Variants in IGF2BP2 observed in about 807,000 individuals in gnomAD.
IGF2BP2 encodes the protein insulin-like growth factor 2 mRNA-binding protein 2.
IGF2BP2 carries 17 observed loss-of-function variants against 75.8 expected under a neutral mutation model. The observed-to-expected ratio is 0.22, with a 90% CI of 0.15 to 0.34. The LOEUF (loss-of-function observed/expected upper bound fraction) is 0.34. IGF2BP2 is among the 10% of genes least tolerant of loss of function. The pLI, the probability that IGF2BP2 is intolerant of heterozygous loss-of-function variation, is 1.00. For synonymous variants in IGF2BP2, 288 were observed against 295.6 expected (o/e 0.97, Z 0.26); for missense variants, 516 against 772.4 (o/e 0.67, Z 3.93).
At chr3:185,810,592 G>A (rs765804681) in intron 2 of IGF2BP2, among the ~76,000 whole-genome samples, 6 of 152,100 alleles carry the variant, frequency 3.9e-5, no homozygotes, top group Non-Finnish European at 7.3e-5. Flanking sequence ...TGGCCAACAT[G>A]GCGAAACCCC....
chr3:185,795,757 C>T (rs1737287071), intron 2 of IGF2BP2, among the ~76,000 whole-genome samples: 1 of 151,998 alleles, frequency 6.6e-6, no homozygotes, highest in African/African-American at 2.4e-5. Context: ...GGCGCAGTCC[C>T]AGCCTGTAGT....
At chr3:185,752,595 C>CT (rs980772046) in intron 2 of IGF2BP2, among the ~76,000 whole-genome samples, 78 of 147,082 alleles carry the variant, frequency 5.3e-4, no homozygotes, top group African/African-American at 7.4e-4. Context: ...TAATTTTAAA[C>CT]TTTTTTTTTT....
At position 185,746,892 on chromosome 3, in the gene IGF2BP2, A is replaced by G. The variant is rs546336406; in HGVS notation, c.240-48545T>C. Among the ~76,000 whole-genome samples the G allele has an allele frequency of 2.0e-5, 3 of 152,334 alleles. No homozygotes were observed. In the East Asian group the frequency reaches 5.8e-4, roughly 29 times the overall value. ...AGCAAAGTTGTAAAAGTAGGTCTGT[A>G]AAGATCTAGGTATGCAAATGTGACC... is the stretch of plus-strand genomic sequence containing the variant. On this transcript the variant is annotated intron_variant, in intron 2 of 15. Coordinates refer to ENST00000382199, the MANE Select transcript of IGF2BP2 (RefSeq NM_006548.6).
At chr3:185,734,572 AGT>A (rs1193074776) in intron 2 of IGF2BP2, among the ~76,000 whole-genome samples, 1 of 152,232 alleles carries the variant, frequency 6.6e-6, no homozygotes, top group African/African-American at 2.4e-5. Flanking sequence ...GTTTTTAACA[AGT>A]GTGTGTTAGC....
chr3:185,647,270 T>C lies in IGF2BP2; in HGVS notation c.1594-132A>G, dbSNP rs1009931985. ...GCTGGACTCTGCTCTCCTTTCCTTTTATCAAGGACACCCCGGGGGCTCCTC... is the reference window on the plus strand; with the variant it reads ...GCTGGACTCTGCTCTCCTTTCCTTTCATCAAGGACACCCCGGGGGCTCCTC... On this transcript the variant is annotated intron_variant, in intron 14 of 15. Coordinates refer to ENST00000382199, the MANE Select transcript of IGF2BP2 (RefSeq NM_006548.6). This position sits in a 1 kb window ranked among gnomAD's most constrained non-coding sequence, Gnocchi z 4.9. The C allele has an allele frequency of 1.7e-5, 12 of 692,608 alleles. No homozygotes were observed. The highest frequency in any genetic ancestry group is 2.6e-5 in the Non-Finnish European group (10 of 384,356). 42.9% of individuals were successfully genotyped at this position (692,608 alleles called of 1,614,324 possible).
chr3:185,724,040 G>A (rs988962114), intron 2 of IGF2BP2, among the ~76,000 whole-genome samples: 1 of 152,180 alleles, frequency 6.6e-6, no homozygotes, highest in Non-Finnish European at 1.5e-5. Context: ...ACGTGGGGCT[G>A]CAATGAGCAT....
chr3:185,692,884 A>G, intron 4 of IGF2BP2, 122 bp from the exon 5 acceptor site: 2 of 760,476 alleles, frequency 2.6e-6, no homozygotes, highest in Admixed American at 4.4e-5. Flanking sequence ...CTCCACAGTT[A>G]TCTGCATCTC....
chr3:185,711,842 A>G (rs577514146), intron 2 of IGF2BP2, among the ~76,000 whole-genome samples: 4 of 152,140 alleles, frequency 2.6e-5, no homozygotes, highest in Non-Finnish European at 5.9e-5. Flanking sequence ...TGCTGTTCAC[A>G]GGGTCCCAGT....
At chr3:185,702,520 A>G (rs1723448449) in intron 2 of IGF2BP2, among the ~76,000 whole-genome samples, 1 of 152,218 alleles carries the variant, frequency 6.6e-6, no homozygotes, top group Admixed American at 6.5e-5. Context: ...TCACAGTTCC[A>G]ATATGTTAAA....
chr3:185,665,410 A>AGG (rs1717283175), intron 10 of IGF2BP2, among the ~76,000 whole-genome samples: 2 of 26,556 alleles, frequency 7.5e-5, no homozygotes, highest in Non-Finnish European at 1.6e-4. Context: ...GGAGAAGGAA[A>AGG]AGGAGGAGAA....
chr3:185,787,091 A>C (rs1316355370), intron 2 of IGF2BP2, among the ~76,000 whole-genome samples: 1 of 152,222 alleles, frequency 6.6e-6, no homozygotes, highest in African/African-American at 2.4e-5. Context: ...CATTTATAAA[A>C]AAGTAACCAT....
At chr3:185,703,958 G>A (rs561816440) in intron 2 of IGF2BP2, among the ~76,000 whole-genome samples, 2 of 152,242 alleles carry the variant, frequency 1.3e-5, no homozygotes, top group South Asian at 2.1e-4. Flanking sequence ...TGAATTGTGA[G>A]AACCCAGCTT....
intron 10 of IGF2BP2, among the ~76,000 whole-genome samples, chr3:185,659,599 C>G (rs1221225437): frequency 6.6e-6 from 1 of 151,934 alleles, no homozygotes; most frequent in East Asian, 1.9e-4. Context: ...TGGTCTCGTA[C>G]TCCTGACCTC....
chr3:185,700,069 A>G (rs1206268588), intron 2 of IGF2BP2, among the ~76,000 whole-genome samples: 1 of 152,156 alleles, frequency 6.6e-6, no homozygotes, highest in Non-Finnish European at 1.5e-5. Flanking sequence ...GGGTTGCCAG[A>G]AAAGAGATGT....
At position 185,657,373 on chromosome 3, in the gene IGF2BP2, G is replaced by A; in HGVS notation, c.1299C>T (p.Phe433=). ...SYPEQEIVNL[F]IPTQAVGAII... is the part of the protein sequence containing the mutation. ...TGGCGCCCACAGCCTGGGTTGGGAT[G>A]AAGAGATTCACAATCTCCTGCTCTG... is the stretch of plus-strand genomic sequence containing the variant. Residue 433 remains phenylalanine (F), a synonymous_variant, in exon 12 of 16, where the codon TTC becomes TTT. Transcript: ENST00000382199. 6.2e-7 allele frequency: 1 copy of A among 1,613,814 alleles called. No individual in the cohort carries two copies. The highest frequency in any genetic ancestry group is 8.5e-7 in the Non-Finnish European group (1 of 1,179,796).
At chr3:185,676,989 G>T (rs1424056757) in intron 7 of IGF2BP2, among the ~76,000 whole-genome samples, 8 of 129,720 alleles carry the variant, frequency 6.2e-5, no homozygotes, top group African/African-American at 8.7e-5. Flanking sequence ...TATATATGGA[G>T]ATATATATAT....
intron 2 of IGF2BP2, among the ~76,000 whole-genome samples, chr3:185,764,579 T>A (rs2149710922): frequency 6.6e-6 from 1 of 151,984 alleles, no homozygotes; most frequent in South Asian, 2.1e-4. Context: ...GGAAGGGGAG[T>A]CTTGTCTTGA....
intron 2 of IGF2BP2, among the ~76,000 whole-genome samples, chr3:185,750,981 C>G (rs983227044): frequency 2.0e-5 from 3 of 152,182 alleles, no homozygotes; most frequent in African/African-American, 7.2e-5. Context: ...CTCTGGGAGG[C>G]CAATGTGGGC....
At chr3:185,657,444 G>T in intron 11 of IGF2BP2, 42 bp from the exon 12 acceptor site, 1 of 1,477,068 alleles carries the variant, frequency 6.8e-7, no homozygotes. Context: ...TTCCAACCAG[G>T]CTTTCTCCTC....
Sources: allele counts gnomAD v4.1 joint callset (sites outside exome capture counted in the v4.1 genomes callset), GRCh38; gene constraint gnomAD v4.1.1; non-coding constraint Gnocchi (gnomAD v3.1); transcripts MANE v1.5; gene names NCBI Gene and HGNC (gene_info 2026-07-23, HGNC 2026-07-21).